DLGAP2: variants seen among roughly 807,000 people sequenced by gnomAD.
DLGAP2 encodes DLG associated protein 2.
A neutral mutation model predicts 100.3 loss-of-function variants in DLGAP2; 26 were observed. The observed-to-expected ratio is 0.26, with a 90% CI of 0.19 to 0.36. The LOEUF (loss-of-function observed/expected upper bound fraction) is 0.36. DLGAP2 is among the 10% of genes least tolerant of loss of function. The pLI, the probability that DLGAP2 is intolerant of heterozygous loss-of-function variation, is 1.00. For synonymous variants in DLGAP2, 886 were observed against 630.1 expected (o/e 1.41, Z -6.08); for missense variants, 1,858 against 1,453.2 (o/e 1.28, Z -4.53).
chr8:1,463,825 G>A (rs1010805737), intron 3 of DLGAP2, among the ~76,000 whole-genome samples: 5 of 152,198 alleles, frequency 3.3e-5, no homozygotes, highest in African/African-American at 9.7e-5. Flanking sequence ...CTGTGGAGGC[G>A]ATGGTGTGGT....
chr8:1,606,764 C>T (rs557159085), intron 6 of DLGAP2, among the ~76,000 whole-genome samples: 70 of 152,246 alleles, frequency 4.6e-4, no homozygotes, highest in African/African-American at 1.5e-3. Context: ...CTCACTACAA[C>T]CTCCGCCCCC....
chr8:1,251,544 C>G (rs1320776110), intron 2 of DLGAP2, among the ~76,000 whole-genome samples: 2 of 152,178 alleles, frequency 1.3e-5, no homozygotes, highest in African/African-American at 4.8e-5. Context: ...CTTGGTGATT[C>G]TACCTCGACC....
At chr8:1,519,686 C>T (rs769942264) in intron 4 of DLGAP2, among the ~76,000 whole-genome samples, 44 of 152,338 alleles carry the variant, frequency 2.9e-4, no homozygotes, top group Non-Finnish European at 5.9e-4. Context: ...GTCCAGAACT[C>T]ATTGTGGGCC....
At chr8:941,578 T>C (rs550676101) in intron 2 of DLGAP2, among the ~76,000 whole-genome samples, 28 of 152,270 alleles carry the variant, frequency 1.8e-4, no homozygotes, top group East Asian at 1.4e-3. Flanking sequence ...CAGGCGCTAT[T>C]GGAAAAAATA....
At chr8:1,442,650 A>G (rs1225805550) in intron 3 of DLGAP2, among the ~76,000 whole-genome samples, 245 of 109,974 alleles carry the variant, frequency 2.2e-3, no homozygotes, top group Middle Eastern at 0.012. Flanking sequence ...CAGCCACTGG[A>G]GGAGACGGAT....
intron 3 of DLGAP2, among the ~76,000 whole-genome samples, chr8:1,338,009 C>T (rs780563157): frequency 5.3e-5 from 8 of 152,272 alleles, no homozygotes; most frequent in Non-Finnish European, 1.0e-4. Flanking sequence ...CCCACTAGGA[C>T]GGCTGTCACT....
chr8:1,072,736 C>T (rs187572152), intron 2 of DLGAP2, among the ~76,000 whole-genome samples: 1 of 152,346 alleles, frequency 6.6e-6, no homozygotes, highest in African/African-American at 2.4e-5. Flanking sequence ...ACAGTGCTTA[C>T]ACTGGCAGGT....
At chr8:1,145,285 C>G (rs1043608045) in intron 2 of DLGAP2, among the ~76,000 whole-genome samples, 1 of 152,174 alleles carries the variant, frequency 6.6e-6, no homozygotes, top group Non-Finnish European at 1.5e-5. Flanking sequence ...ACCCACCATC[C>G]CTCCAGGAAG....
intron 2 of DLGAP2, among the ~76,000 whole-genome samples, chr8:1,114,273 G>A (rs1805049625): frequency 6.6e-6 from 1 of 152,130 alleles, no homozygotes; most frequent in African/African-American, 2.4e-5. Flanking sequence ...AGTAGAAATA[G>A]TACCAGCTCT....
rs1455330604 is a variant in DLGAP2, at chr8:737,734, C to T, written c.-74C>T. The T allele has an allele frequency of 2.7e-5, 10 of 375,362 alleles. No homozygotes were observed. The highest frequency in any genetic ancestry group is 4.6e-5 in the Admixed American group (1 of 21,870). The allele number at this position is 375,362 out of a possible 1,614,324, so 23.3% of individuals were successfully genotyped here. On this transcript the variant is annotated 5_prime_UTR_variant, in exon 1 of 15. Transcript: ENST00000637795. ...ACGTACTGACCCCAACCCGCGAGCC[C>T]CGGGAGCCGTCGGTCTGAGGAGGGG...
At chr8:1,578,706 G>GT (rs1554501808) in intron 6 of DLGAP2, among the ~76,000 whole-genome samples, 1 of 152,120 alleles carries the variant, frequency 6.6e-6, no homozygotes, top group Non-Finnish European at 1.5e-5. Flanking sequence ...ATATATAAGC[G>GT]TTTTCACTTA....
intron 1 of DLGAP2, among the ~76,000 whole-genome samples, chr8:856,374 G>T (rs898328929): frequency 5.3e-5 from 8 of 152,008 alleles, no homozygotes; most frequent in Admixed American, 3.9e-4. Flanking sequence ...TTTTGGTAGA[G>T]ATGGGATTTC....
chr8:1,133,135 A>T (rs1463692596), intron 2 of DLGAP2, among the ~76,000 whole-genome samples: 1 of 152,196 alleles, frequency 6.6e-6, no homozygotes, highest in Non-Finnish European at 1.5e-5. Context: ...TCTCTGGAGC[A>T]TTAGCTTCCT....
intron 2 of DLGAP2, among the ~76,000 whole-genome samples, chr8:1,053,658 T>C (rs760459833): frequency 2.6e-4 from 40 of 152,182 alleles, no homozygotes; most frequent in Non-Finnish European, 5.4e-4. Context: ...GGATAATTCC[T>C]GGATTTAATT....
At chr8:1,254,032 TGTCTGA>T (rs1247070208) in intron 2 of DLGAP2, among the ~76,000 whole-genome samples, 1 of 152,236 alleles carries the variant, frequency 6.6e-6, no homozygotes, top group Non-Finnish European at 1.5e-5. Flanking sequence ...CTCTGATCCA[TGTCTGA>T]GTGAGCCGCC....
chr8:871,647 A>G (rs919468892), intron 1 of DLGAP2, among the ~76,000 whole-genome samples: 2 of 152,166 alleles, frequency 1.3e-5, no homozygotes, highest in African/African-American at 2.4e-5. Context: ...TCGGATTTGG[A>G]TATTTGGATT....
intron 3 of DLGAP2, among the ~76,000 whole-genome samples, chr8:1,387,057 A>C (rs1796237190): frequency 6.6e-6 from 1 of 152,182 alleles, no homozygotes; most frequent in Non-Finnish European, 1.5e-5. Flanking sequence ...AAAAGAGGGG[A>C]ACTAGATAAC....
At chr8:1,490,682 T>G (rs1799352593) in intron 3 of DLGAP2, among the ~76,000 whole-genome samples, 1 of 152,200 alleles carries the variant, frequency 6.6e-6, no homozygotes, top group Non-Finnish European at 1.5e-5. Context: ...GGCTGTGGAT[T>G]GATTCACCTG....
At chr8:886,751 G>A (rs754830920) in intron 1 of DLGAP2, among the ~76,000 whole-genome samples, 1 of 152,180 alleles carries the variant, frequency 6.6e-6, no homozygotes, top group East Asian at 1.9e-4. Flanking sequence ...TATGATTTCA[G>A]TTCTTTTGCA....
Sources: gnomAD v4.1 joint callset for allele counts (sites outside exome capture counted in the v4.1 genomes callset) on GRCh38, gnomAD v4.1.1 for gene constraint, MANE v1.5 for transcripts, NCBI Gene and HGNC (gene_info 2026-07-23, HGNC 2026-07-21) for gene names.